The following SV2C variants were observed in gnomAD, a reference collection of about 807,000 sequenced individuals.
The protein encoded by SV2C is solute carrier family 22 member B3.
A neutral mutation model predicts 79.7 loss-of-function variants in SV2C; 49 were observed. The observed-to-expected ratio is 0.61, with a 90% CI of 0.49 to 0.78. SV2C has a LOEUF of 0.78. SV2C is among the 30% of genes least tolerant of loss of function. SV2C has a pLI of 0.00. For missense variants in SV2C, 833 were observed against 912.9 expected, an observed-to-expected ratio of 0.91 and a Z score of 1.13; for synonymous variants, 334 against 333.2, an observed-to-expected ratio of 1.00 and a Z score of -0.03.
the SV2C span, among the ~76,000 whole-genome samples, chr5:76,060,805 C>G: frequency 1.3e-5 from 2 of 152,064 alleles, no homozygotes; most frequent in Admixed American, 1.3e-4. Flanking sequence ...AGCTTTTAGC[C>G]TATATCTCAG....
At chr5:76,209,599 A>G (rs1003280137) in intron 3 of SV2C, 137 bp from the exon 4 acceptor site, 4 of 873,580 alleles carry the variant, frequency 4.6e-6, no homozygotes, top group African/African-American at 3.4e-5. Flanking sequence ...TTGTAAAATA[A>G]TAGAAAATAT....
At chr5:76,184,637 A>C (rs1261754928) in intron 2 of SV2C, among the ~76,000 whole-genome samples, 1 of 152,176 alleles carries the variant, frequency 6.6e-6, no homozygotes, top group Non-Finnish European at 1.5e-5. Flanking sequence ...GAAGGGGGGA[A>C]GCCCCTTGTA....
intron 2 of SV2C, among the ~76,000 whole-genome samples, chr5:76,146,455 C>T (rs1473241235): frequency 6.6e-6 from 1 of 152,152 alleles, no homozygotes; most frequent in Non-Finnish European, 1.5e-5. Context: ...CCTGACATTG[C>T]CATGGCCTTT....
chr5:76,116,213 C>G (rs1487184471), intron 1 of SV2C, among the ~76,000 whole-genome samples: 1 of 152,154 alleles, frequency 6.6e-6, no homozygotes. Context: ...TGCTCTAACC[C>G]CTTACCCTGC....
chr5:76,222,109 T>C (rs976268705), intron 4 of SV2C, among the ~76,000 whole-genome samples: 7 of 152,238 alleles, frequency 4.6e-5, no homozygotes, highest in African/African-American at 1.7e-4. Context: ...CTCTGGAAAG[T>C]GGTTTGACAG....
intron 1 of SV2C, among the ~76,000 whole-genome samples, chr5:76,111,568 G>A (rs1053738222): frequency 1.3e-5 from 2 of 152,164 alleles, no homozygotes; most frequent in Non-Finnish European, 2.9e-5. Flanking sequence ...GCTGCCGATG[G>A]AGACTGGAAG....
At chr5:76,305,459 A>C (rs1422621542) in intron 12 of SV2C, among the ~76,000 whole-genome samples, 1 of 152,156 alleles carries the variant, frequency 6.6e-6, no homozygotes, top group Non-Finnish European at 1.5e-5. Context: ...ATATGATAAA[A>C]ATTGTGTAAT....
the SV2C span, among the ~76,000 whole-genome samples, chr5:75,962,264 T>C: frequency 6.6e-6 from 1 of 152,132 alleles, no homozygotes; most frequent in Non-Finnish European, 1.5e-5. Flanking sequence ...GTTTGTGATA[T>C]GCAGCTATCT....
chr5:75,965,776 A>T, the SV2C span, among the ~76,000 whole-genome samples: 1 of 152,240 alleles, frequency 6.6e-6, no homozygotes, highest in South Asian at 2.1e-4. Flanking sequence ...GTTGCTAGGG[A>T]TACAGGAAGA....
intron 4 of SV2C, among the ~76,000 whole-genome samples, chr5:76,245,303 A>G (rs1745910766): frequency 6.6e-6 from 1 of 152,332 alleles, no homozygotes; most frequent in East Asian, 1.9e-4. Flanking sequence ...GAGGAAGAGG[A>G]AGGACTAGCC....
chr5:76,017,848 C>T, the SV2C span, among the ~76,000 whole-genome samples: 1 of 152,056 alleles, frequency 6.6e-6, no homozygotes, highest in Middle Eastern at 3.2e-3. Flanking sequence ...TGGGAAGTGG[C>T]GGTAGGAAGA....
chr5:76,187,446 C>G (rs1382870423), intron 2 of SV2C, among the ~76,000 whole-genome samples: 1 of 152,134 alleles, frequency 6.6e-6, no homozygotes, highest in Non-Finnish European at 1.5e-5. Flanking sequence ...AAATGTCAGA[C>G]TTCCCTAAGG....
the SV2C span, among the ~76,000 whole-genome samples, chr5:75,862,290 C>T: frequency 2.0e-5 from 3 of 152,252 alleles, no homozygotes; most frequent in East Asian, 5.8e-4. Context: ...ACAGGCCTGT[C>T]TTGCTGGTGG....
In SV2C at chr5:76,308,472, C is replaced by A. The variant is rs1748287815; in HGVS notation, c.2000+6927C>A. ...GGTGGAAGTCTAGGCTACCACCAGACCTTTGCTGATGTAGCTGGCAGTTGA... is the reference window on the plus strand; with the variant it reads ...GGTGGAAGTCTAGGCTACCACCAGAACTTTGCTGATGTAGCTGGCAGTTGA... On this transcript the variant is annotated intron_variant, in intron 12 of 12. Transcript: ENST00000502798. Among the ~76,000 whole-genome samples, 3 of 152,216 alleles carry A rather than the reference C, an allele frequency of 2.0e-5. No individual in the cohort carries two copies. In the South Asian group the frequency reaches 6.2e-4, roughly 32 times the overall value.
Position 76,331,892 on chromosome 5 carries a change from T to C in SV2C, c.*6345T>C, listed in dbSNP as rs1749198409. The stretch of plus-strand genomic sequence containing the variant: ...TCCCTGTGCAGGGCTGGATTTCCAA[T>C]TGCTTTTCAGTGCCTGTGCCCTGAT... On this transcript the variant is annotated 3_prime_UTR_variant, in exon 13 of 13. Coordinates refer to ENST00000502798, the MANE Select transcript of SV2C (RefSeq NM_014979.4). The C allele has an allele frequency of 6.6e-6, 1 of 152,228 alleles. No individual in the cohort carries two copies. Among genetic ancestry groups the C allele is most frequent in the South Asian group, 2.1e-4 (1 of 4,828 alleles). 9.4% of individuals were successfully genotyped at this position (152,228 alleles called of 1,614,324 possible).
In SV2C at chr5:76,130,503, C is replaced by T. The variant is rs1264483882; in HGVS notation, c.-101-1147C>T. Among the ~76,000 whole-genome samples the T allele has an allele frequency of 1.3e-5, 2 of 152,078 alleles. 1 individual carries two copies. Among genetic ancestry groups the T allele is most frequent in the East Asian group, 3.8e-4 (2 of 5,196 alleles). On this transcript the variant is annotated intron_variant, in intron 1 of 12. Transcript: ENST00000502798. ...AAGTAGAAATGACGATTATATAAATCAATGTTTGGAATGCTGCCATAGCTT... is the reference window on the plus strand; with the variant it reads ...AAGTAGAAATGACGATTATATAAATTAATGTTTGGAATGCTGCCATAGCTT...
rs1744010835 is a variant in SV2C, at chr5:76,188,943, TTA to T, written c.581-5975_581-5974del. On this transcript the variant is annotated intron_variant, in intron 2 of 12. Coordinates refer to ENST00000502798, the MANE Select transcript of SV2C (RefSeq NM_014979.4). Reference sequence around the variant, plus strand: ...ACAACAGGGCAGCAGCTGTGAAAGCTTACACCTCAGTGATTAGGTGGGGAGGG... The same window carrying T: ...ACAACAGGGCAGCAGCTGTGAAAGCTCACCTCAGTGATTAGGTGGGGAGGG... Among the ~76,000 whole-genome samples the T allele has an allele frequency of 2.0e-5, 3 of 151,238 alleles. No homozygotes were observed. The South Asian group carries it at 6.3e-4, about 32-fold the overall frequency.
chr5:76,062,771 T>G, the SV2C span, among the ~76,000 whole-genome samples: 30 of 152,254 alleles, frequency 2.0e-4, no homozygotes, highest in East Asian at 4.1e-3. Flanking sequence ...AATTTGAAGA[T>G]GAAAGTATCA....
At chr5:75,898,560 T>A in the SV2C span, among the ~76,000 whole-genome samples, 1 of 152,220 alleles carries the variant, frequency 6.6e-6, no homozygotes. Context: ...CCGCCTTTGG[T>A]ATCAGGATGA....
Sources: allele counts gnomAD v4.1 joint callset (sites outside exome capture counted in the v4.1 genomes callset), GRCh38; gene constraint gnomAD v4.1.1; transcripts MANE v1.5; gene names NCBI Gene and HGNC (gene_info 2026-07-23, HGNC 2026-07-21).